KCNH5: variants seen among roughly 807,000 people sequenced by gnomAD.
KCNH5 encodes potassium voltage-gated channel subfamily H member 5, also known as voltage-gated delayed rectifier potassium channel KCNH5.
In KCNH5, 46 loss-of-function variants were observed where a neutral mutation model predicts 96.1. The observed-to-expected ratio is 0.48, with a 90% CI of 0.38 to 0.61. The LOEUF (loss-of-function observed/expected upper bound fraction) is 0.61, where lower values mean the gene tolerates loss of function less well. KCNH5 is among the 20% of genes least tolerant of loss of function. The pLI is 0.00. For missense variants in KCNH5, 907 were observed against 1,225.8 expected (o/e 0.74, Z 3.88); for synonymous variants, 439 against 449.8 (o/e 0.98, Z 0.30).
rs570338240 is a variant in KCNH5, at chr14:62,735,851, CAGAT to C, written c.2020-27400_2020-27397del. Among the ~76,000 whole-genome samples the C allele has an allele frequency of 1.4e-3, 220 of 152,288 alleles. 1 individual carries two copies. The highest frequency in any genetic ancestry group is 4.8e-3 in the African/African-American group (201 of 41,566). The stretch of plus-strand genomic sequence containing the variant: ...GACTGATGTCCTTTATAAAAAGAGA[CAGAT>C]AGGAACAGTGGGAAGATGACATGAA... On this transcript the variant is annotated intron_variant, in intron 10 of 10. Transcript: ENST00000322893.
At chr14:62,816,314 C>T (rs1470578748) in intron 8 of KCNH5, among the ~76,000 whole-genome samples, 2 of 151,748 alleles carry the variant, frequency 1.3e-5, no homozygotes, top group African/African-American at 4.8e-5. Context: ...GTACATATAT[C>T]AGCGTGTATG....
intron 8 of KCNH5, among the ~76,000 whole-genome samples, chr14:62,837,727 C>A (rs1394158728): frequency 6.6e-6 from 1 of 152,176 alleles, no homozygotes; most frequent in Non-Finnish European, 1.5e-5. Flanking sequence ...TCTGATCATA[C>A]TGTCTTCTAT....
chr14:62,998,016 GCT>G (rs1890941796), intron 4 of KCNH5, among the ~76,000 whole-genome samples: 1 of 151,836 alleles, frequency 6.6e-6, no homozygotes. Flanking sequence ...GGTTAAGAGA[GCT>G]CTCTCTGCTT....
At chr14:62,869,625 T>C (rs1270617234) in intron 7 of KCNH5, among the ~76,000 whole-genome samples, 1 of 152,186 alleles carries the variant, frequency 6.6e-6, no homozygotes. Context: ...CTGAATGGTA[T>C]TGCCTAGGTT....
chr14:62,934,258 C>T (rs1290345345), intron 7 of KCNH5, among the ~76,000 whole-genome samples: 1 of 151,988 alleles, frequency 6.6e-6, no homozygotes, highest in African/African-American at 2.4e-5. Context: ...TCCCTAGTAG[C>T]TGAGACTACA....
At chr14:62,751,810 G>GAGCTGTTCC (rs1885505914) in intron 10 of KCNH5, among the ~76,000 whole-genome samples, 1 of 152,150 alleles carries the variant, frequency 6.6e-6, no homozygotes. Context: ...CCATATACAA[G>GAGCTGTTCC]AGCTGTTCCA....
rs575854791 is a variant in KCNH5, at chr14:62,948,442, T to C, written c.1369+1691A>G. ...GATAAATTCCTTGACACATACACTC[T>C]CCCAAGACTAAACCAGGAAGAAGTT... On this transcript the variant is annotated intron_variant, in intron 7 of 10. Coordinates refer to ENST00000322893, the MANE Select transcript of KCNH5 (RefSeq NM_139318.5). 2.0e-5 allele frequency among the ~76,000 whole-genome samples: 3 copies of C among 152,070 alleles called. No homozygotes were observed. In the South Asian group the frequency reaches 6.2e-4, roughly 32 times the overall value.
Position 62,703,654 on chromosome 14 carries a change from C to A in KCNH5, c.*3854G>T, listed in dbSNP as rs1566632111. 6.6e-6 allele frequency: 1 copy of A among 151,774 alleles called. No individual in the cohort carries two copies. The highest frequency in any genetic ancestry group is 2.4e-5 in the African/African-American group (1 of 41,414). The allele number at this position is 151,774 out of a possible 1,614,324, so 9.4% of individuals were successfully genotyped here. On this transcript the variant is annotated 3_prime_UTR_variant, in exon 11 of 11. Transcript: ENST00000322893. ...GTGTTTTCCAAAAGACTGTTTTTGT[C>A]TTTTCCCCCTTTCCATTAAGATGAG...
intron 8 of KCNH5, among the ~76,000 whole-genome samples, chr14:62,832,412 T>A (rs1595644803): frequency 6.6e-6 from 1 of 152,178 alleles, no homozygotes; most frequent in Admixed American, 6.5e-5. Flanking sequence ...CCTCAAGGTT[T>A]ATCTTTTTGA....
intron 10 of KCNH5, among the ~76,000 whole-genome samples, chr14:62,761,948 C>A (rs957992934): frequency 1.9e-4 from 29 of 152,126 alleles, no homozygotes; most frequent in Non-Finnish European, 5.9e-5. Context: ...TGCCAAGCAC[C>A]AGTACTCATT....
intron 6 of KCNH5, among the ~76,000 whole-genome samples, chr14:62,960,449 A>G (rs754640087): frequency 1.3e-5 from 2 of 152,120 alleles, no homozygotes; most frequent in Non-Finnish European, 2.9e-5. Flanking sequence ...CCAATATATA[A>G]ATCTCTCATA....
chr14:62,751,315 G>A (rs1885493746), intron 10 of KCNH5, among the ~76,000 whole-genome samples: 1 of 152,130 alleles, frequency 6.6e-6, no homozygotes, highest in African/African-American at 2.4e-5. Context: ...CAGTTTTGGG[G>A]TAAGAGAGGC....
chr14:62,727,299 G>A (rs180786120), intron 10 of KCNH5, among the ~76,000 whole-genome samples: 123 of 152,158 alleles, frequency 8.1e-4, no homozygotes, highest in Admixed American at 2.4e-3. Context: ...TGGGACGTGG[G>A]GGTGACAGTG....
chr14:62,951,962 CAAAAAAAAAAA>C (rs36114434), intron 6 of KCNH5, among the ~76,000 whole-genome samples: 1 of 105,538 alleles, frequency 9.5e-6, no homozygotes, highest in Non-Finnish European at 1.8e-5. Flanking sequence ...GACTCCGTCT[CAAAAAAAAAAA>C]AAAAAAAAAG....
At chr14:62,976,495 TCA>T (rs1449533436) in intron 6 of KCNH5, among the ~76,000 whole-genome samples, 1 of 151,178 alleles carries the variant, frequency 6.6e-6, no homozygotes, top group Non-Finnish European at 1.5e-5. Context: ...TTAGAAAAGG[TCA>T]GAGGGCTGGA....
chr14:63,041,548 C>G (rs533878741), intron 1 of KCNH5, among the ~76,000 whole-genome samples: 14 of 152,234 alleles, frequency 9.2e-5, no homozygotes, highest in African/African-American at 3.1e-4. Flanking sequence ...ATACTTTAAA[C>G]TTTACAACTT....
rs1452578434 is a variant in KCNH5 at position 62,705,627 on chromosome 14, A to G, written c.*1881T>C. On this transcript the variant is annotated 3_prime_UTR_variant, in exon 11 of 11. Transcript: ENST00000322893. The stretch of plus-strand genomic sequence containing the variant: ...GAAAGGAAAATGGAGCCCATGGCTC[A>G]TATGTTTTGAGACTCCTAGATTAAA... 6.6e-6 allele frequency: 1 copy of G among 152,058 alleles called. No individual in the cohort carries two copies. Among genetic ancestry groups the G allele is most frequent in the Non-Finnish European group, 1.5e-5 (1 of 67,910 alleles). 9.4% of individuals were successfully genotyped at this position (152,058 alleles called of 1,614,324 possible).
At chr14:62,798,324 T>C (rs564692513) in intron 9 of KCNH5, among the ~76,000 whole-genome samples, 2 of 152,302 alleles carry the variant, frequency 1.3e-5, no homozygotes, top group South Asian at 2.1e-4. Flanking sequence ...ACAAATGTCT[T>C]AGGAGCACGG....
At chr14:62,960,035 C>T (rs1890177542) in intron 6 of KCNH5, among the ~76,000 whole-genome samples, 1 of 152,156 alleles carries the variant, frequency 6.6e-6, no homozygotes, top group Non-Finnish European at 1.5e-5. Flanking sequence ...CGGGTCCAGG[C>T]TTACCACTCT....
Sources: allele counts gnomAD v4.1 joint callset (sites outside exome capture counted in the v4.1 genomes callset), GRCh38; gene constraint gnomAD v4.1.1; transcripts MANE v1.5; gene names NCBI Gene and HGNC (gene_info 2026-07-23, HGNC 2026-07-21).